Variants in ADGB observed in about 807,000 individuals in gnomAD.
The protein encoded by ADGB is calpain-7-like protein.
ADGB carries 172 observed loss-of-function variants against 210.5 expected under a neutral mutation model. The observed-to-expected ratio is 0.82, with a 90% CI of 0.72 to 0.93. ADGB has a LOEUF of 0.93. Among genes scored for constraint, ADGB ranks in the 40% least tolerant of loss-of-function variants. The pLI is 0.00. For missense variants in ADGB, 2,025 were observed against 1,964.8 expected, an observed-to-expected ratio of 1.03 and a Z score of -0.58; for synonymous variants, 658 against 662.7, an observed-to-expected ratio of 0.99 and a Z score of 0.11.
intron 30 of ADGB, 27 bp downstream of exon 30, chr6:146,782,219 G>A (rs1315074600): frequency 1.9e-5 from 29 of 1,490,470 alleles, no homozygotes; most frequent in Non-Finnish European, 1.7e-5. Flanking sequence ...TTTTATTTGA[G>A]TGACTTAATG....
chr6:146,694,052 T>C (rs1279564693), intron 12 of ADGB, among the ~76,000 whole-genome samples: 1 of 152,160 alleles, frequency 6.6e-6, no homozygotes, highest in Non-Finnish European at 1.5e-5. Context: ...TCCAGAATCA[T>C]CTTTAAAGGT....
chr6:146,691,498 A>ATTTTT lies in ADGB; in HGVS notation c.1486+209_1486+210insTTTTT, dbSNP rs1319836837. ...TATAAATATATATATATATATATAT[A>ATTTTT]TATTTTTTTTTTTTTTTTTTTTTTT... On this transcript the variant is annotated intron_variant, in intron 11 of 35. Coordinates refer to ENST00000397944, the MANE Select transcript of ADGB (RefSeq NM_024694.4). Among the ~76,000 whole-genome samples the ATTTTT allele has an allele frequency of 3.8e-3, 65 of 17,066 alleles. 2 individuals carry two copies. Among genetic ancestry groups the ATTTTT allele is most frequent in the Non-Finnish European group, 4.4e-3 (52 of 11,702 alleles). 11.2% of individuals were successfully genotyped at this position (17,066 alleles called of 152,430 possible).
At chr6:146,806,660 G>A (rs1181584208) in intron 35 of ADGB, among the ~76,000 whole-genome samples, 1 of 152,168 alleles carries the variant, frequency 6.6e-6, no homozygotes, top group Non-Finnish European at 1.5e-5. Flanking sequence ...GTCTTTTCAG[G>A]CTAGCATCTC....
rs965091249 is a variant in ADGB, at chr6:146,772,168, C to T, written c.3862+3037C>T. Reference sequence around the variant, plus strand: ...AACTACAGAGCAACCTTGCTGAATTCAATTGAAGATCTTGCTCACAAGGAA... The same window carrying T: ...AACTACAGAGCAACCTTGCTGAATTTAATTGAAGATCTTGCTCACAAGGAA... On this transcript the variant is annotated intron_variant, in intron 29 of 35. Coordinates refer to ENST00000397944, the MANE Select transcript of ADGB (RefSeq NM_024694.4). 1.4e-4 allele frequency among the ~76,000 whole-genome samples: 21 copies of T among 151,932 alleles called. 1 individual carries two copies. The highest frequency in any genetic ancestry group is 4.8e-4 in the African/African-American group (20 of 41,364).
intron 12 of ADGB, among the ~76,000 whole-genome samples, chr6:146,700,256 A>G (rs1160219652): frequency 6.6e-6 from 1 of 152,204 alleles, no homozygotes; most frequent in Admixed American, 6.5e-5. Context: ...GTCTGGTAGA[A>G]TTGGAGACTC....
At chr6:146,691,457 TA>T (rs1211564310) in intron 11 of ADGB, among the ~76,000 whole-genome samples, 167 bp downstream of exon 11, 3 of 41,002 alleles carry the variant, frequency 7.3e-5, no homozygotes, top group African/African-American at 5.5e-4. Flanking sequence ...TATATATATA[TA>T]AAAATATATA....
In ADGB at chr6:146,617,891, C is replaced by A. The variant is rs73588049; in HGVS notation, c.75-17484C>A. 9.9e-3 allele frequency among the ~76,000 whole-genome samples: 1,507 copies of A among 152,120 alleles called. 30 individuals are homozygous for A. The highest frequency in any genetic ancestry group is 0.033 in the African/African-American group (1,365 of 41,518). ...ATGGGGCTTAGAGCACCAACCCCTG[C>A]ACAGTAGAAATTTGTGTATAACTTT... On this transcript the variant is annotated intron_variant, in intron 1 of 35. Transcript: ENST00000397944.
At chr6:146,635,262 T>C in intron 1 of ADGB, 113 bp from the exon 2 acceptor site, 7 of 933,980 alleles carry the variant, frequency 7.5e-6, no homozygotes, top group Non-Finnish European at 1.0e-5. Context: ...GTATTAAAAA[T>C]GTAGTTAGTA....
chr6:146,651,813 G>A (rs1396951495), intron 3 of ADGB, among the ~76,000 whole-genome samples: 5 of 152,004 alleles, frequency 3.3e-5, no homozygotes, highest in Non-Finnish European at 5.9e-5. Context: ...GGGAAAGGAG[G>A]GAAACTAAGT....
chr6:146,714,389 A>G (rs1234694165), intron 13 of ADGB, among the ~76,000 whole-genome samples: 1 of 151,838 alleles, frequency 6.6e-6, no homozygotes, highest in Non-Finnish European at 1.5e-5. Context: ...AGGGAATGGT[A>G]TATACTTGTC....
intron 27 of ADGB, among the ~76,000 whole-genome samples, chr6:146,757,176 G>A (rs973474607): frequency 7.3e-5 from 11 of 151,638 alleles, no homozygotes; most frequent in Admixed American, 5.9e-4. Flanking sequence ...TGTTTTTTAC[G>A]ATTTATATTT....
rs559058447 is a variant in ADGB at position 146,700,324 on chromosome 6, A to G, written c.1578-617A>G. On this transcript the variant is annotated intron_variant, in intron 12 of 35. Coordinates refer to ENST00000397944, the MANE Select transcript of ADGB (RefSeq NM_024694.4). The stretch of plus-strand genomic sequence containing the variant: ...TTGTGTAAATCAGAGACGTTTAGTT[A>G]CAAGTGAATTTTTACAGATCACTAA... 1.3e-3 allele frequency among the ~76,000 whole-genome samples: 197 copies of G among 152,352 alleles called. 3 individuals are homozygous for G. The highest frequency in any genetic ancestry group is 5.9e-3 in the Admixed American group (91 of 15,300).
chr6:146,626,350 C>T lies in ADGB; in HGVS notation c.75-9025C>T, dbSNP rs1177795591. Among the ~76,000 whole-genome samples, 8 of 151,922 alleles carry T rather than the reference C, an allele frequency of 5.3e-5. No individual in the cohort carries two copies. In the East Asian group the frequency reaches 1.4e-3, roughly 26 times the overall value. On this transcript the variant is annotated intron_variant, in intron 1 of 35. Coordinates refer to ENST00000397944, the MANE Select transcript of ADGB (RefSeq NM_024694.4). ...TGTGTATTTTGCCATGTATTTACTA[C>T]GTAAAATTATCTTTATTTGTTTGGC...
chr6:146,783,534 T>A (rs1279353559), intron 30 of ADGB, among the ~76,000 whole-genome samples: 1 of 152,036 alleles, frequency 6.6e-6, no homozygotes, highest in African/African-American at 2.4e-5. Flanking sequence ...TAAAAAATAA[T>A]AAAAGCTAAT....
chr6:146,767,139 TGTAA>T (rs771269484), intron 28 of ADGB, among the ~76,000 whole-genome samples: 2 of 152,170 alleles, frequency 1.3e-5, no homozygotes, highest in African/African-American at 2.4e-5. Flanking sequence ...ATGTGGGAAG[TGTAA>T]GTGTGTTCCT....
At chr6:146,691,743 A>T (rs1377684771) in intron 11 of ADGB, among the ~76,000 whole-genome samples, 1 of 151,190 alleles carries the variant, frequency 6.6e-6, no homozygotes, top group East Asian at 2.0e-4. Flanking sequence ...ACTTGACCAC[A>T]TATATGAAGC....
At chr6:146,759,802 T>C (rs560041841) in intron 27 of ADGB, among the ~76,000 whole-genome samples, 19 of 151,874 alleles carry the variant, frequency 1.3e-4, no homozygotes, top group Non-Finnish European at 2.2e-4. Context: ...CAGAGTTATA[T>C]TTCTTGACTT....
At chr6:146,715,794 G>A (rs1776724192) in intron 14 of ADGB, among the ~76,000 whole-genome samples, 1 of 152,106 alleles carries the variant, frequency 6.6e-6, no homozygotes, top group Non-Finnish European at 1.5e-5. Flanking sequence ...TGCCGGCCAG[G>A]TGCAGTGGCT....
chr6:146,709,597 T>G (rs1375471724), intron 13 of ADGB, among the ~76,000 whole-genome samples: 1 of 152,194 alleles, frequency 6.6e-6, no homozygotes, highest in Non-Finnish European at 1.5e-5. Flanking sequence ...GAGTACCAGC[T>G]TCTGCAAGGG....
Sources: gnomAD v4.1 joint callset for allele counts (sites outside exome capture counted in the v4.1 genomes callset) on GRCh38, gnomAD v4.1.1 for gene constraint, MANE v1.5 for transcripts, NCBI Gene and HGNC (gene_info 2026-07-23, HGNC 2026-07-21) for gene names.